Variants in WDR59 observed in about 807,000 individuals in gnomAD.
The protein encoded by WDR59 is WD repeat domain 59.
WDR59 carries 100 observed loss-of-function variants against 131.2 expected under a neutral mutation model. That is an observed-to-expected ratio of 0.76 (90% CI 0.65 to 0.90). The LOEUF (loss-of-function observed/expected upper bound fraction) is 0.90, where lower values mean the gene tolerates loss of function less well. Ranked by LOEUF, WDR59 falls within the 40% of genes least tolerant of loss-of-function variation. The pLI, the probability that WDR59 is intolerant of heterozygous loss-of-function variation, is 0.00. For missense variants in WDR59, 1,203 were observed against 1,262.2 expected (o/e 0.95, Z 0.71); for synonymous variants, 601 against 466.2 (o/e 1.29, Z -3.72).
At chr16:74,906,475 T>G (rs1371361994) in intron 17 of WDR59, among the ~76,000 whole-genome samples, 1 of 151,940 alleles carries the variant, frequency 6.6e-6, no homozygotes, top group Non-Finnish European at 1.5e-5. Flanking sequence ...GCACAAACTT[T>G]TGGACAGTTT....
In WDR59 at chr16:74,893,816, G is replaced by A. The variant is rs775083071; in HGVS notation, c.1867-4C>T. The A allele has an allele frequency of 1.2e-6, 2 of 1,613,420 alleles. No homozygotes were observed. The highest frequency in any genetic ancestry group is 1.6e-4 in the Middle Eastern group (1 of 6,062). On this transcript the variant is annotated splice_region_variant and splice_polypyrimidine_tract_variant and intron_variant, in intron 18 of 25. Transcript: ENST00000262144. ...TACTTTTCCATCGTCTTGATTTCTA[G>A]GGGTAGATGACAGGATGTAACTAAT... is the stretch of plus-strand genomic sequence containing the variant.
At chr16:74,940,446 G>GAA (rs977590062) in intron 7 of WDR59, among the ~76,000 whole-genome samples, 31 of 150,504 alleles carry the variant, frequency 2.1e-4, no homozygotes, top group Non-Finnish European at 2.4e-4. Flanking sequence ...TAATTATAAA[G>GAA]AGATATTAAT....
At chr16:74,890,837 C>A (rs141350048) in intron 20 of WDR59, among the ~76,000 whole-genome samples, 2 of 152,068 alleles carry the variant, frequency 1.3e-5, no homozygotes, top group African/African-American at 4.8e-5. Flanking sequence ...TCAAATACGG[C>A]GGGCCCTGTG....
At chr16:74,913,825 A>T (rs1407596596) in intron 13 of WDR59, among the ~76,000 whole-genome samples, 1 of 152,242 alleles carries the variant, frequency 6.6e-6, no homozygotes, top group African/African-American at 2.4e-5. Context: ...TTCTTCTGGG[A>T]ATGATGAATA....
intron 8 of WDR59, among the ~76,000 whole-genome samples, chr16:74,935,334 G>A (rs2031716091): frequency 1.3e-5 from 2 of 151,306 alleles, no homozygotes; most frequent in African/African-American, 4.8e-5. Flanking sequence ...CCAAGATCAG[G>A]GAAAAAAAAA....
chr16:74,959,327 C>A, intron 2 of WDR59: 1 of 275,676 alleles, frequency 3.6e-6, no homozygotes, highest in South Asian at 3.0e-5. Context: ...TTTGGACATC[C>A]ACTAACAGGG....
At chr16:74,916,840 CAG>C (rs200249555) in intron 11 of WDR59, among the ~76,000 whole-genome samples, 3,594 of 138,296 alleles carry the variant, frequency 0.026, 136 homozygotes, top group African/African-American at 0.088. Context: ...GCCTGGGCAA[CAG>C]AGAGAGACTC....
chr16:74,922,231 G>C, intron 9 of WDR59, 128 bp from the exon 10 acceptor site: 1 of 1,243,160 alleles, frequency 8.0e-7, no homozygotes, highest in Non-Finnish European at 1.1e-6. Flanking sequence ...CAACTCATCT[G>C]GAGAAATTTT....
In WDR59 at chr16:74,922,032, A is replaced by G; in HGVS notation, c.801T>C (p.Asn267=). Residue 267 remains asparagine, a synonymous_variant, in exon 10 of 26, where the codon AAT becomes AAC. Transcript: ENST00000262144. The part of the protein sequence containing the change: ...LRRENSLLLW[N]VFDLNTPVHT... ...GGACTGGGGTGTTCAAGTCAAAGAC[A>G]TTCCACAGGAGAAGGCTGTTTTCCC... The G allele has an allele frequency of 6.2e-7, 1 of 1,614,226 alleles. No individual in the cohort carries two copies. Among genetic ancestry groups the G allele is most frequent in the Non-Finnish European group, 8.5e-7 (1 of 1,180,040 alleles).
chr16:74,915,984 T>C lies in WDR59; in HGVS notation c.1110A>G (p.Glu370=). 10 of 1,614,194 alleles carry C rather than the reference T, an allele frequency of 6.2e-6. No individual in the cohort carries two copies. Among genetic ancestry groups the C allele is most frequent in the Non-Finnish European group, 8.5e-6 (10 of 1,180,028 alleles). ...CTTCCAGGAGATTTCTAGGGGGATC[T>C]TCTTTTAGGGCTAGCAGGAGAGAGA... is the stretch of plus-strand genomic sequence containing the variant. ...ASHGEEEALK[E]DPPRNLLEER... The change falls in exon 13 of 26, where the codon GAA becomes GAG. Residue 370 remains glutamate (E), a synonymous_variant. Transcript: ENST00000262144.
At chr16:74,966,610 A>AC (rs1353334256) in intron 1 of WDR59, among the ~76,000 whole-genome samples, 56 of 151,916 alleles carry the variant, frequency 3.7e-4, no homozygotes, top group African/African-American at 1.3e-3. Context: ...TAACCTGGAC[A>AC]CCCCCACCCC....
At chr16:74,966,610 AC>A (rs1353334256) in intron 1 of WDR59, among the ~76,000 whole-genome samples, 3 of 151,804 alleles carry the variant, frequency 2.0e-5, no homozygotes, top group Non-Finnish European at 2.9e-5. Flanking sequence ...TAACCTGGAC[AC>A]CCCCACCCCA....
intron 8 of WDR59, among the ~76,000 whole-genome samples, chr16:74,937,812 CCTTT>C (rs1258557645): frequency 6.6e-6 from 1 of 152,084 alleles, no homozygotes; most frequent in Non-Finnish European, 1.5e-5. Context: ...AACTTCTTTC[CCTTT>C]CTAAGTACTT....
intron 25 of WDR59, among the ~76,000 whole-genome samples, chr16:74,885,140 A>G (rs182528401): frequency 5.3e-5 from 8 of 152,236 alleles, no homozygotes; most frequent in African/African-American, 1.9e-4. Flanking sequence ...CTGTATATCA[A>G]CTACTTCTGT....
intron 18 of WDR59, among the ~76,000 whole-genome samples, chr16:74,900,172 T>C (rs1413926706): frequency 6.6e-6 from 1 of 152,198 alleles, no homozygotes; most frequent in African/African-American, 2.4e-5. Flanking sequence ...TGAGAGCACA[T>C]ACTCATTCCT....
At chr16:74,974,087 T>C (rs188424289) in intron 1 of WDR59, among the ~76,000 whole-genome samples, 171 of 152,290 alleles carry the variant, frequency 1.1e-3, no homozygotes, top group Middle Eastern at 6.8e-3. Flanking sequence ...GGAGAATTGC[T>C]TCAACCCAGG....
At chr16:74,937,216 A>G (rs774765541) in intron 8 of WDR59, among the ~76,000 whole-genome samples, 1 of 152,234 alleles carries the variant, frequency 6.6e-6, no homozygotes, top group African/African-American at 2.4e-5. Flanking sequence ...ACAACACTGT[A>G]CCTTGTGATA....
intron 2 of WDR59, among the ~76,000 whole-genome samples, chr16:74,963,413 A>G (rs1407733886): frequency 2.0e-5 from 3 of 152,234 alleles, no homozygotes; most frequent in Non-Finnish European, 2.9e-5. Context: ...GGAGCTATAA[A>G]AAGGAAAGAG....
At chr16:74,976,645 G>C (rs1597823495) in intron 1 of WDR59, among the ~76,000 whole-genome samples, 1 of 152,172 alleles carries the variant, frequency 6.6e-6, no homozygotes, top group Middle Eastern at 3.4e-3. Flanking sequence ...GTTTCACTGT[G>C]TTAGCCAGGA....
Sources: allele counts gnomAD v4.1 joint callset (sites outside exome capture counted in the v4.1 genomes callset), GRCh38; gene constraint gnomAD v4.1.1; transcripts MANE v1.5; gene names NCBI Gene and HGNC (gene_info 2026-07-23, HGNC 2026-07-21).